ACE: variants seen among roughly 807,000 people sequenced by gnomAD.
ACE encodes angiotensin I converting enzyme.
ACE carries 122 observed loss-of-function variants against 162.3 expected under a neutral mutation model. The observed-to-expected ratio is 0.75, with a 90% confidence interval of 0.65 to 0.87. The LOEUF (loss-of-function observed/expected upper bound fraction) is 0.87. Among genes scored for constraint, ACE ranks in the 40% least tolerant of loss-of-function variants. ACE has a pLI of 0.00. For missense variants in ACE, 1,799 were observed against 1,735.1 expected, an observed-to-expected ratio of 1.04 and a Z score of -0.65; for synonymous variants, 796 against 720.6, an observed-to-expected ratio of 1.10 and a Z score of -1.68.
Position 63,477,307 on chromosome 17 carries a change from C to A in ACE, c.213C>A (p.His71Gln), listed in dbSNP as rs766548114. Residue 71 changes from histidine (H) to glutamine (Q), a missense_variant, in exon 1 of 25, where the codon CAC (histidine) becomes CAA (glutamine). His to Gln is a conservative substitution (Grantham distance 24, BLOSUM62 0). Coordinates refer to ENST00000290866, the MANE Select transcript of ACE (RefSeq NM_000789.4). The part of the protein sequence containing the change: ...LFQSVAASWA[H>Q]DTNITAENAR... Reference sequence around the variant, plus strand: ...AGAGCGTGGCCGCCAGCTGGGCGCACGACACCAACATCACCGCGGAGAATG... The same window carrying A: ...AGAGCGTGGCCGCCAGCTGGGCGCAAGACACCAACATCACCGCGGAGAATG... The A allele has an allele frequency of 2.1e-6, 3 of 1,431,902 alleles. No individual in the cohort carries two copies. Among genetic ancestry groups the A allele is most frequent in the Admixed American group, 2.3e-5 (1 of 42,994 alleles). The allele number at this position is 1,431,902 out of a possible 1,614,324, so 88.7% of individuals were successfully genotyped here.
At chr17:63,487,112 T>C in intron 15 of ACE, 39 bp downstream of exon 15, 1 of 1,585,458 alleles carries the variant, frequency 6.3e-7, no homozygotes. Flanking sequence ...AGGCGAGGGC[T>C]GGGACTGGCA....
Position 63,483,481 on chromosome 17 carries a change from T to C in ACE, c.1509T>C (p.Cys503=), listed in dbSNP as rs1036966443. The part of the protein sequence containing the change: ...WYLRTKYQGI[C]PPVTRNETHF... ...CCAGAACCAAGTATCAGGGGATCTG[T>C]CCTCCTGTTACCCGAAACGAAACCC... is the stretch of plus-strand genomic sequence containing the variant. The change falls in exon 10 of 25, where the codon TGT becomes TGC. Residue 503 remains cysteine, a synonymous_variant. Transcript: ENST00000290866. 6.2e-7 allele frequency: 1 copy of C among 1,613,928 alleles called. No homozygotes were observed.
intron 1 of ACE, chr17:63,477,646 A>G (rs1009813622): frequency 2.1e-6 from 1 of 467,010 alleles, no homozygotes; most frequent in Non-Finnish European, 3.8e-6. Context: ...TCACCTCCGG[A>G]CGCTGTCGCT....
Position 63,486,592 on chromosome 17 carries a change from G to A in ACE, c.2094G>A (p.Leu698=). 2.5e-6 allele frequency: 4 copies of A among 1,614,224 alleles called. No individual in the cohort carries two copies. The highest frequency in any genetic ancestry group is 3.4e-6 in the Non-Finnish European group (4 of 1,180,048). The change falls in exon 14 of 25, where the codon CTG becomes CTA. Residue 698 remains leucine, a synonymous_variant. Coordinates refer to ENST00000290866, the MANE Select transcript of ACE (RefSeq NM_000789.4). ...ACATGCAAATAGCCAACCACACCCT[G>A]AAGTACGGCACCCAGGCCAGGAAGT... The part of the protein sequence containing the change: ...QKNMQIANHT[L]KYGTQARKFD...
rs4344 is a variant in ACE at position 63,489,363 on chromosome 17, G to A, written c.2641+231G>A. ...CTATGTCGGGCAAGTCACCATGGAT[G>A]GGGGAAGAAGTTAATAATCTTGTCC... On this transcript the variant is annotated intron_variant, in intron 17 of 24. Coordinates refer to ENST00000290866, the MANE Select transcript of ACE (RefSeq NM_000789.4). Among the ~76,000 whole-genome samples, 70,166 of 152,042 alleles carry A rather than the reference G, an allele frequency of 0.46. 16,463 individuals carry two copies. The highest frequency in any genetic ancestry group is 0.66 in the East Asian group (3,420 of 5,156).
rs2049631527 is a variant in ACE at position 63,477,256 on chromosome 17, C to T, written c.162C>T (p.Asn54=). 5 of 1,502,090 alleles carry T rather than the reference C, an allele frequency of 3.3e-6. No homozygotes were observed. The highest frequency in any genetic ancestry group is 4.4e-6 in the Non-Finnish European group (5 of 1,127,386). 93.0% of individuals were successfully genotyped at this position (1,502,090 alleles called of 1,614,324 possible). A position where few individuals can be genotyped will look rare whatever the true frequency, so the allele number is the denominator to read the frequency against. ...CGCAGCTCTTCGCGCAGAGCTACAA[C>T]TCCAGCGCCGAACAGGTGCTGTTCC... is the stretch of plus-strand genomic sequence containing the variant. The part of the protein sequence containing the change: ...AGAQLFAQSY[N]SSAEQVLFQS... The change falls in exon 1 of 25, where the codon AAC becomes AAT. Residue 54 remains asparagine (N), a synonymous_variant. Coordinates refer to ENST00000290866, the MANE Select transcript of ACE (RefSeq NM_000789.4).
At chr17:63,478,644 CAG>C (rs1008647067) in intron 2 of ACE, 3 of 375,476 alleles carry the variant, frequency 8.0e-6, no homozygotes, top group Non-Finnish European at 1.5e-5. Flanking sequence ...GCCTGCGTGA[CAG>C]AGTGAGACCT....
At chr17:63,486,913 C>A in intron 14 of ACE, 73 bp from the exon 15 acceptor site, 3 of 1,513,236 alleles carry the variant, frequency 2.0e-6, no homozygotes, top group Admixed American at 1.7e-5. Flanking sequence ...CCCATGGGGC[C>A]TGGGGGTAGT....
chr17:63,481,125 C>T lies in ACE; in HGVS notation c.882C>T (p.Tyr294=), dbSNP rs774504842. 3.8e-5 allele frequency: 62 copies of T among 1,613,846 alleles called. No homozygotes were observed. Among genetic ancestry groups the T allele is most frequent in the South Asian group, 7.7e-5 (7 of 91,082 alleles). ...GGGCCCAGAGCTGGGAAAACATCTA[C>T]GACATGGTGGTGCCTTTCCCAGACA... ...DMWAQSWENI[Y]DMVVPFPDKP... is the part of the protein sequence containing the mutation. The change falls in exon 6 of 25, where the codon TAC becomes TAT. Residue 294 remains tyrosine (Y), a synonymous_variant. Transcript: ENST00000290866.
At chr17:63,486,453 C>T in intron 13 of ACE, 104 bp from the exon 14 acceptor site, 3 of 1,283,772 alleles carry the variant, frequency 2.3e-6, no homozygotes, top group South Asian at 1.2e-5. Flanking sequence ...ATTCCACTGC[C>T]CCCTCACCAC....
intron 5 of ACE, 41 bp from the exon 6 acceptor site, chr17:63,481,050 C>T: frequency 6.3e-7 from 1 of 1,592,082 alleles, no homozygotes; most frequent in Non-Finnish European, 8.6e-7. Flanking sequence ...GCAGGCACAG[C>T]CAGGCAGGGA....
intron 15 of ACE, among the ~76,000 whole-genome samples, chr17:63,488,377 AAAAAG>A (rs1345359263): frequency 6.7e-6 from 1 of 149,184 alleles, no homozygotes; most frequent in East Asian, 2.0e-4. Context: ...AAAAAAAAAA[AAAAAG>A]GAGAGGAGAG....
At chr17:63,480,638 C>A in intron 5 of ACE, 110 bp downstream of exon 5, 1 of 1,152,056 alleles carries the variant, frequency 8.7e-7, no homozygotes, top group Non-Finnish European at 1.3e-6. Flanking sequence ...TCACATCTCA[C>A]ATGTGTGGGG....
rs542234906 is a variant in ACE, at chr17:63,491,482, G to T, written c.2912+101G>T. ...ACTGTCCCCCAGCTGGAGCCAGCAG[G>T]GCAGGATGGGGACAGGGCCAGAGTT... On this transcript the variant is annotated intron_variant, in intron 19 of 24. Coordinates refer to ENST00000290866, the MANE Select transcript of ACE (RefSeq NM_000789.4). This position sits in a 1 kb window ranked among gnomAD's most constrained non-coding sequence, Gnocchi z 4.4. The T allele has an allele frequency of 2.5e-5, 37 of 1,493,244 alleles. No individual in the cohort carries two copies. The African/African-American group carries it at 5.1e-4, about 21-fold the overall frequency. The allele number at this position is 1,493,244 out of a possible 1,614,324, so 92.5% of individuals were successfully genotyped here.
At chr17:63,482,904 GGGCCAGCCATACCTTCTCT>G (rs1463343409) in intron 8 of ACE, 106 bp from the exon 9 acceptor site, 1 of 1,193,908 alleles carries the variant, frequency 8.4e-7, no homozygotes, top group Non-Finnish European at 1.2e-6. Flanking sequence ...AGGGTCTCGA[GGGCCAGCCATACCTTCTCT>G]GCATCTCCCT....
At chr17:63,485,623 A>C in intron 13 of ACE, 2 of 462,404 alleles carry the variant, frequency 4.3e-6, no homozygotes, top group Non-Finnish European at 8.2e-6. Context: ...TAAAAATACA[A>C]AAATTAGCCG....
intron 15 of ACE, among the ~76,000 whole-genome samples, chr17:63,487,977 C>G (rs1323099233): frequency 6.6e-6 from 1 of 152,158 alleles, no homozygotes; most frequent in Non-Finnish European, 1.5e-5. Flanking sequence ...GCTCATGCCT[C>G]TAATCCCAGC....
intron 23 of ACE, 45 bp from the exon 24 acceptor site, chr17:63,496,753 G>A: frequency 6.2e-7 from 1 of 1,606,752 alleles, no homozygotes; most frequent in Non-Finnish European, 8.5e-7. Context: ...GGGCAAGAGG[G>A]GCCATGTCCT....
At chr17:63,480,993 G>A in intron 5 of ACE, 98 bp from the exon 6 acceptor site, 2 of 1,206,444 alleles carry the variant, frequency 1.7e-6, no homozygotes. Context: ...GAGGGCCCCA[G>A]GGTACAGGTG....
Sources: gnomAD v4.1 joint callset for allele counts (sites outside exome capture counted in the v4.1 genomes callset) on GRCh38, gnomAD v4.1.1 for gene constraint, Gnocchi (gnomAD v3.1) non-coding constraint, MANE v1.5 for transcripts, NCBI Gene and HGNC (gene_info 2026-07-23, HGNC 2026-07-21) for gene names.